MAP4: variants seen among roughly 807,000 people sequenced by gnomAD.
MAP4 encodes microtubule-associated protein 4.
MAP4 carries 76 observed loss-of-function variants against 170.2 expected under a neutral mutation model. That is an observed-to-expected ratio of 0.45 (90% confidence interval 0.37 to 0.54). MAP4 has a LOEUF of 0.54. MAP4 is among the 20% of genes least tolerant of loss of function. MAP4 has a pLI of 0.00. For missense variants in MAP4, 2,506 were observed against 2,748.0 expected, an observed-to-expected ratio of 0.91 and a Z score of 1.97; for synonymous variants, 909 against 994.5, an observed-to-expected ratio of 0.91 and a Z score of 1.62.
intron 12 of MAP4, among the ~76,000 whole-genome samples, chr3:47,873,431 C>G (rs1212044216): frequency 6.6e-6 from 1 of 152,122 alleles, no homozygotes; most frequent in African/African-American, 2.4e-5. Flanking sequence ...TCTCTTCCTC[C>G]AAGAGAAGTG....
At chr3:48,062,866 T>G (rs1362624384) in intron 1 of MAP4, among the ~76,000 whole-genome samples, 1 of 150,784 alleles carries the variant, frequency 6.6e-6, no homozygotes, top group Non-Finnish European at 1.5e-5. Flanking sequence ...GGGAGGTTGT[T>G]GTGAGCCAAG....
intron 1 of MAP4, among the ~76,000 whole-genome samples, chr3:48,026,538 A>T (rs1209139182): frequency 6.6e-6 from 1 of 152,220 alleles, no homozygotes; most frequent in Non-Finnish European, 1.5e-5. Context: ...GAGTGTAAGA[A>T]AAACTTATTT....
intron 16 of MAP4, among the ~76,000 whole-genome samples, chr3:47,868,707 A>G (rs1300984792): frequency 6.6e-6 from 1 of 152,200 alleles, no homozygotes; most frequent in African/African-American, 2.4e-5. Context: ...ATTGGGAATG[A>G]GCATCCTAAC....
chr3:47,937,656 CTTTTTTTTTTTTTT>C (rs71070243), intron 3 of MAP4, among the ~76,000 whole-genome samples: 1 of 107,934 alleles, frequency 9.3e-6, no homozygotes, highest in African/African-American at 3.8e-5. Flanking sequence ...TTTTCTTCTT[CTTTTTTTTTTTTTT>C]TTTTTTTTGA....
At chr3:48,044,359 G>A (rs1186976211) in intron 1 of MAP4, among the ~76,000 whole-genome samples, 1 of 151,062 alleles carries the variant, frequency 6.6e-6, no homozygotes, top group Non-Finnish European at 1.5e-5. Context: ...GTTTCACCAT[G>A]TTAGCCAGGA....
At chr3:47,993,754 TG>T (rs1224675931) in intron 2 of MAP4, among the ~76,000 whole-genome samples, 2 of 152,190 alleles carry the variant, frequency 1.3e-5, no homozygotes, top group East Asian at 3.8e-4. Context: ...AAAGCAAAAG[TG>T]GATCAGTCAA....
intron 1 of MAP4, among the ~76,000 whole-genome samples, chr3:48,043,768 C>T (rs1470155440): frequency 6.6e-6 from 1 of 152,132 alleles, no homozygotes; most frequent in South Asian, 2.1e-4. Flanking sequence ...AGTGCAAAAC[C>T]GTAAAAGTAA....
intron 5 of MAP4, among the ~76,000 whole-genome samples, chr3:47,919,600 G>A (rs1453896492): frequency 1.3e-5 from 2 of 152,140 alleles, no homozygotes; most frequent in African/African-American, 2.4e-5. Flanking sequence ...GAGACACCGC[G>A]CCCGGCCGAC....
chr3:47,871,271 C>G lies in MAP4; in HGVS notation c.5957G>C (p.Gly1986Ala), dbSNP rs749593789. Residue 1986 changes from glycine (G) to alanine (A), a missense_variant, in exon 14 of 21, where the codon GGA becomes GCA. Physicochemically the swap from Gly to Ala is moderately conservative, Grantham distance 60. Transcript: ENST00000683076. Reference sequence around the variant, plus strand: ...CATCTTCTTGACTTCTGCAGGTTTTCCCTCAGTCTTAATGGCTGTACAAAA... The same window carrying G: ...CATCTTCTTGACTTCTGCAGGTTTTGCCTCAGTCTTAATGGCTGTACAAAA... ...PKKPTAIKTEGKPAEVKKMTA... is the reference protein window; with the variant it reads ...PKKPTAIKTEAKPAEVKKMTA... The G allele has an allele frequency of 1.5e-5, 25 of 1,613,894 alleles. No homozygotes were observed. The highest frequency in any genetic ancestry group is 5.0e-5 in the Admixed American group (3 of 60,010).
At chr3:47,862,161 C>CAAA (rs58780669) in intron 17 of MAP4, among the ~76,000 whole-genome samples, 2 of 82,740 alleles carry the variant, frequency 2.4e-5, no homozygotes, top group Non-Finnish European at 5.0e-5. Context: ...ACTCTGTCTC[C>CAAA]AAAAAAAAAA....
Position 47,909,896 on chromosome 3 carries a change from C to T in MAP4, c.4525G>A (p.Ala1509Thr). ...VVPSTSTGGV[A>T]LPITTAIETV... is the part of the protein sequence containing the mutation. ...TCTATGGCTGTTGTAATAGGTAGAGCAACTCCTCCTGTGCTTGTAGAGGGC... is the reference window on the plus strand; with the variant it reads ...TCTATGGCTGTTGTAATAGGTAGAGTAACTCCTCCTGTGCTTGTAGAGGGC... Residue 1509 changes from alanine (A) to threonine (T), a missense_variant, in exon 9 of 21, where the codon GCT (alanine) becomes ACT (threonine). By Grantham distance (58) the Ala-to-Thr change is moderately conservative. Coordinates refer to ENST00000683076, the MANE Select transcript of MAP4 (RefSeq NM_001385682.1). 6.2e-7 allele frequency: 1 copy of T among 1,614,014 alleles called. No individual in the cohort carries two copies.
intron 1 of MAP4, among the ~76,000 whole-genome samples, chr3:48,075,095 T>G (rs571616312): frequency 6.6e-6 from 1 of 152,304 alleles, no homozygotes; most frequent in South Asian, 2.1e-4. Flanking sequence ...ACTTCCTAAT[T>G]TCAAAACATA....
chr3:47,929,054 A>C (rs916228524), intron 3 of MAP4, among the ~76,000 whole-genome samples: 3 of 152,242 alleles, frequency 2.0e-5, no homozygotes, highest in Non-Finnish European at 4.4e-5. Context: ...AAAAGTTATT[A>C]TAAATGTACC....
At chr3:47,963,628 ATAGATAT>A (rs1272580950) in intron 3 of MAP4, among the ~76,000 whole-genome samples, 2 of 152,224 alleles carry the variant, frequency 1.3e-5, no homozygotes, top group Non-Finnish European at 2.9e-5. Context: ...CCAGAAACAA[ATAGATAT>A]TAAAGATTAT....
At chr3:48,054,449 C>G (rs910195511) in intron 1 of MAP4, among the ~76,000 whole-genome samples, 4 of 151,728 alleles carry the variant, frequency 2.6e-5, no homozygotes, top group African/African-American at 9.7e-5. Flanking sequence ...AGTGAAACCC[C>G]GTCTCTACCA....
At chr3:48,066,579 T>C (rs2100138327) in intron 1 of MAP4, among the ~76,000 whole-genome samples, 1 of 151,964 alleles carries the variant, frequency 6.6e-6, no homozygotes, top group South Asian at 2.1e-4. Context: ...CTGCAACCTC[T>C]GCTACCCGGG....
chr3:47,931,253 T>C (rs982882752), intron 3 of MAP4, among the ~76,000 whole-genome samples: 7 of 151,446 alleles, frequency 4.6e-5, no homozygotes, highest in Non-Finnish European at 1.0e-4. Context: ...TGGTGACGAG[T>C]GCCTTTAGTT....
In MAP4 at chr3:47,875,716, G is replaced by A. The variant is rs1159248885; in HGVS notation, c.5726C>T (p.Ser1909Phe). 6.2e-7 allele frequency: 1 copy of A among 1,613,474 alleles called. No homozygotes were observed. Among genetic ancestry groups the A allele is most frequent in the Non-Finnish European group, 8.5e-7 (1 of 1,179,990 alleles). The change falls in exon 12 of 21, where the codon TCC becomes TTC. Residue 1909 changes from serine (S) to phenylalanine (F), a missense_variant. Around this residue, in one of 3 missense-constraint regions of MAP4, gnomAD observed 487 missense variants for 511.6 expected, o/e 0.95. Coordinates refer to ENST00000683076, the MANE Select transcript of MAP4 (RefSeq NM_001385682.1). ...KRPAVASARP[S>F]ILPSKDVKPK... ...CTTCACGTCTTTTGAAGGTAAGATG[G>A]AAGGCCTGGCAGAGGCGACGGCAGG...
chr3:48,050,971 C>T (rs1362081874), intron 1 of MAP4, among the ~76,000 whole-genome samples: 5 of 151,104 alleles, frequency 3.3e-5, no homozygotes, highest in Non-Finnish European at 5.9e-5. Context: ...CCTCATATAT[C>T]GCGGTACAAA....
Sources: gnomAD v4.1 joint callset for allele counts (sites outside exome capture counted in the v4.1 genomes callset) on GRCh38, gnomAD v4.1.1 for gene constraint, gnomAD v4.1.1 regional missense constraint, MANE v1.5 for transcripts, NCBI Gene and HGNC (gene_info 2026-07-23, HGNC 2026-07-21) for gene names.